OR8B8: variants seen among roughly 807,000 people sequenced by gnomAD.
OR8B8 encodes olfactory receptor 8B8.
In OR8B8, 8 loss-of-function variants were observed where a neutral mutation model predicts 10.5. The ratio of observed to expected loss-of-function variants is 0.76; its 90% confidence interval spans 0.45 to 1.38. OR8B8 has a LOEUF of 1.38. Among genes scored for constraint, OR8B8 ranks in the 40% most tolerant of loss-of-function variants. The pLI is 0.00. For missense variants in OR8B8, 390 were observed against 380.5 expected, an observed-to-expected ratio of 1.03 and a Z score of -0.21; for synonymous variants, 150 against 145.2, an observed-to-expected ratio of 1.03 and a Z score of -0.24.
rs756863079 is a variant in OR8B8 at position 124,440,588 on chromosome 11, C to T, written c.498G>A (p.Val166=). The T allele has an allele frequency of 6.2e-7, 1 of 1,614,212 alleles. No homozygotes were observed. The highest frequency in any genetic ancestry group is 1.7e-5 in the Admixed American group (1 of 60,028). The part of the protein sequence containing the change: ...AMAHTACMMG[V]TFCANNLVNH... ...TGACAAGGTTATTGGCACAGAAGGT[C>T]ACACCCATCATGCACGCTGTGTGGG... Residue 166 remains valine, a synonymous_variant, in exon 3 of 3, where the codon GTG becomes GTA. Coordinates refer to ENST00000642064, the MANE Select transcript of OR8B8 (RefSeq NM_012378.2).
chr11:124,440,827 A>C lies in OR8B8; in HGVS notation c.259T>G (p.Leu87Val), dbSNP rs1398760626. ...GCGTAGGAGATGCTGTTCTTCTTTA[A>C]GACAAAGCTCATCAGCATTTTGGGA... Reference protein sequence around the residue: ...ITPKMLMSFVLKKNSISYAGC... With the variant: ...ITPKMLMSFVVKKNSISYAGC... Residue 87 changes from leucine to valine, a missense_variant, in exon 3 of 3, where the codon TTA becomes GTA. Physicochemically the swap from Leu to Val is conservative, Grantham distance 32. Transcript: ENST00000642064. 25 of 1,614,132 alleles carry C rather than the reference A, an allele frequency of 1.5e-5. No individual in the cohort carries two copies. The highest frequency in any genetic ancestry group is 2.0e-5 in the Non-Finnish European group (24 of 1,180,058).
intron 1 of OR8B8, among the ~76,000 whole-genome samples, chr11:124,443,430 A>T (rs1482089473): frequency 6.6e-6 from 1 of 152,176 alleles, no homozygotes; most frequent in Non-Finnish European, 1.5e-5. Context: ...CTATTGGGCT[A>T]CTGGGTGTTG....
At chr11:124,444,095 TTCTC>T (rs1039803495) in intron 1 of OR8B8, among the ~76,000 whole-genome samples, 1 of 152,326 alleles carries the variant, frequency 6.6e-6, no homozygotes, top group South Asian at 2.1e-4. Flanking sequence ...TTCCCTGTTT[TTCTC>T]TCTCTCTTTT....
Position 124,438,109 on chromosome 11 carries a change from C to T in OR8B8, c.*2041G>A, listed in dbSNP as rs769669679. ...ATTCACTTAATACCTCTGAGAAAAA[C>T]GTTTTTAAAGATGAAGAAATTGATG... On this transcript the variant is annotated 3_prime_UTR_variant, in exon 3 of 3. Transcript: ENST00000642064. The T allele has an allele frequency of 6.6e-6, 1 of 151,972 alleles. No homozygotes were observed. Among genetic ancestry groups the T allele is most frequent in the Non-Finnish European group, 1.5e-5 (1 of 67,966 alleles). The allele number at this position is 151,972 out of a possible 1,614,324, so 9.4% of individuals were successfully genotyped here. A position where few individuals can be genotyped will look rare whatever the true frequency, so the allele number is the denominator to read the frequency against.
Position 124,441,109 on chromosome 11 carries a change from G to T in OR8B8, c.-16-8C>A. Reference sequence around the variant, plus strand: ...ATTGTCATTTAAGGCATTCTGTGGGGACAAGGGAAAAAGTTATTTAGAGAG... The same window carrying T: ...ATTGTCATTTAAGGCATTCTGTGGGTACAAGGGAAAAAGTTATTTAGAGAG... On this transcript the variant is annotated splice_polypyrimidine_tract_variant and splice_region_variant and intron_variant, in intron 2 of 2. Transcript: ENST00000642064. 2.5e-6 allele frequency: 4 copies of T among 1,575,678 alleles called. No individual in the cohort carries two copies. Among genetic ancestry groups the T allele is most frequent in the Non-Finnish European group, 3.5e-6 (4 of 1,158,034 alleles).
intron 1 of OR8B8, among the ~76,000 whole-genome samples, chr11:124,442,060 CT>C (rs34086356): frequency 0.24 from 36,447 of 151,952 alleles, 5,512 homozygotes; most frequent in East Asian, 0.53. Flanking sequence ...ATACCTAATC[CT>C]TTTTTTTCCT....
Position 124,440,093 on chromosome 11 carries a change from G to A in OR8B8, c.*57C>T. ...ATTATATTTCTTCCATGTAACCAGT[G>A]GAGTCCAAATCACTTATGGGAGAAA... On this transcript the variant is annotated 3_prime_UTR_variant, in exon 3 of 3. Transcript: ENST00000642064. The A allele has an allele frequency of 7.4e-7, 1 of 1,347,124 alleles. No individual in the cohort carries two copies. The highest frequency in any genetic ancestry group is 1.0e-6 in the Non-Finnish European group (1 of 966,784). 83.4% of individuals were successfully genotyped at this position (1,347,124 alleles called of 1,614,324 possible).
At position 124,443,805 on chromosome 11, in the gene OR8B8, A is replaced by G. The variant is rs149787784; in HGVS notation, c.-153+1771T>C. On this transcript the variant is annotated intron_variant, in intron 1 of 2. Transcript: ENST00000642064. ...CTGCATCCAGCTATAGCCCAATAAC[A>G]ATGTTTCTTGACTACACTACGTATC... Among the ~76,000 whole-genome samples, 1,056 of 152,218 alleles carry G rather than the reference A, an allele frequency of 6.9e-3. 21 individuals are homozygous for G. Among genetic ancestry groups the G allele is most frequent in the African/African-American group, 0.024 (980 of 41,530 alleles).
intron 2 of OR8B8, 164 bp from the exon 3 acceptor site, chr11:124,441,265 T>G (rs1009443037): frequency 3.4e-6 from 2 of 589,648 alleles, no homozygotes; most frequent in Admixed American, 5.9e-5. Flanking sequence ...CCCGCCTCCA[T>G]GGCCAGGGCA....
At position 124,440,246 on chromosome 11, in the gene OR8B8, A is replaced by G. The variant is rs150378581; in HGVS notation, c.840T>C (p.Thr280=). The G allele has an allele frequency of 8.7e-6, 14 of 1,614,064 alleles. No homozygotes were observed. The African/African-American group carries it at 1.9e-4, about 22-fold the overall frequency. The change falls in exon 3 of 3, where the codon ACT becomes ACC. Residue 280 remains threonine (T), a synonymous_variant. Transcript: ENST00000642064. The part of the protein sequence containing the change: ...QGKVSSLFYT[T]VVPMLNPLIY... ...TTAATGGGTTGAGCATGGGCACCAC[A>G]GTGGTATAGAATAGGGAAGACACCT...
At chr11:124,442,362 AAC>A (rs1327686157) in intron 1 of OR8B8, among the ~76,000 whole-genome samples, 1 of 152,220 alleles carries the variant, frequency 6.6e-6, no homozygotes, top group African/African-American at 2.4e-5. Context: ...AAGACACTAG[AAC>A]ACACATAACT....
At position 124,437,626 on chromosome 11, in the gene OR8B8, TTGTG is replaced by T. The variant is rs66912990; in HGVS notation, c.*2520_*2523del. On this transcript the variant is annotated 3_prime_UTR_variant, in exon 3 of 3. Coordinates refer to ENST00000642064, the MANE Select transcript of OR8B8 (RefSeq NM_012378.2). ...AGGTGGGGGAGGTCTCTCTCAGACTTTGTGTGTGTGTGTGTGTGTGTGTGTGTGT... is the reference window on the plus strand; with the variant it reads ...AGGTGGGGGAGGTCTCTCTCAGACTTTGTGTGTGTGTGTGTGTGTGTGTGT... The T allele has an allele frequency of 0.059, 8,460 of 143,884 alleles. 476 individuals carry two copies. Among genetic ancestry groups the T allele is most frequent in the African/African-American group, 0.15 (5,702 of 37,616 alleles). 8.9% of individuals were successfully genotyped at this position (143,884 alleles called of 1,614,324 possible).
Position 124,440,798 on chromosome 11 carries a change from C to A in OR8B8, c.288G>T (p.Gly96=), listed in dbSNP as rs781091693. 1.4e-5 allele frequency: 23 copies of A among 1,614,058 alleles called. No individual in the cohort carries two copies. The African/African-American group carries it at 1.6e-4, about 11-fold the overall frequency. Residue 96 remains glycine, a synonymous_variant, in exon 3 of 3, where the codon GGG becomes GGT. Coordinates refer to ENST00000642064, the MANE Select transcript of OR8B8 (RefSeq NM_012378.2). ...GAAAGAAGAAGAGCTGAGTCATACA[C>A]CCTGCGTAGGAGATGCTGTTCTTCT... is the stretch of plus-strand genomic sequence containing the variant. ...VLKKNSISYA[G]CMTQLFFFLF...
intron 2 of OR8B8, 119 bp from the exon 3 acceptor site, chr11:124,441,220 G>T: frequency 1.4e-6 from 1 of 702,440 alleles, no homozygotes; most frequent in Non-Finnish European, 2.3e-6. Flanking sequence ...AACTTCAGCA[G>T]AGGGGGCTTT....
chr11:124,444,896 G>A (rs1208209316), intron 1 of OR8B8, among the ~76,000 whole-genome samples: 1 of 152,208 alleles, frequency 6.6e-6, no homozygotes, highest in Non-Finnish European at 1.5e-5. Context: ...TGACAAGAGT[G>A]AGAAGAGCCT....
chr11:124,440,740 A>G lies in OR8B8; in HGVS notation c.346T>C (p.Ser116Pro), dbSNP rs1055289115. ...ACATAGCGGTCATACGCCATTGCTGACAGGATGAAGGACTCAGAGACAACA... is the reference window on the plus strand; with the variant it reads ...ACATAGCGGTCATACGCCATTGCTGGCAGGATGAAGGACTCAGAGACAACA... ...FFVVSESFILSAMAYDRYVAI... is the reference protein window; with the variant it reads ...FFVVSESFILPAMAYDRYVAI... The change falls in exon 3 of 3, where the codon TCA becomes CCA. Residue 116 changes from serine (S) to proline (P), a missense_variant. Coordinates refer to ENST00000642064, the MANE Select transcript of OR8B8 (RefSeq NM_012378.2). The G allele has an allele frequency of 9.9e-6, 16 of 1,614,054 alleles. No homozygotes were observed. Among genetic ancestry groups the G allele is most frequent in the African/African-American group, 1.3e-5 (1 of 74,918 alleles).
rs1262452563 is a variant in OR8B8, at chr11:124,441,547, C to T, written c.-76G>A. 2 of 165,608 alleles carry T rather than the reference C, an allele frequency of 1.2e-5. No homozygotes were observed. The highest frequency in any genetic ancestry group is 2.7e-5 in the Non-Finnish European group (2 of 74,772). The allele number at this position is 165,608 out of a possible 1,614,324, so 10.3% of individuals were successfully genotyped here. A position where few individuals can be genotyped will look rare whatever the true frequency, so the allele number is the denominator to read the frequency against. ...TCATCCGGATTCAGCCTCTCATCCT[C>T]TTCAGCCCAGAGTTTCAGTGATGTG... is the stretch of plus-strand genomic sequence containing the variant. On this transcript the variant is annotated 5_prime_UTR_variant, in exon 2 of 3. Transcript: ENST00000642064.
At position 124,438,871 on chromosome 11, in the gene OR8B8, G is replaced by A. The variant is rs1266671153; in HGVS notation, c.*1279C>T. The A allele has an allele frequency of 6.6e-6, 1 of 152,150 alleles. No homozygotes were observed. The highest frequency in any genetic ancestry group is 1.5e-5 in the Non-Finnish European group (1 of 68,032). 9.4% of individuals were successfully genotyped at this position (152,150 alleles called of 1,614,324 possible). A position where few individuals can be genotyped will look rare whatever the true frequency, so the allele number is the denominator to read the frequency against. On this transcript the variant is annotated 3_prime_UTR_variant, in exon 3 of 3. Coordinates refer to ENST00000642064, the MANE Select transcript of OR8B8 (RefSeq NM_012378.2). ...TGTTGCCCAGCTAGGAGGAAGTCAG[G>A]GAAATAAATAGCATAATATCACACT...
intron 1 of OR8B8, among the ~76,000 whole-genome samples, chr11:124,444,926 A>G (rs1056039608): frequency 6.6e-6 from 1 of 152,180 alleles, no homozygotes; most frequent in Non-Finnish European, 1.5e-5. Context: ...ACACTCTTCA[A>G]ACTTTAAGGC....
Sources: allele counts gnomAD v4.1 joint callset (sites outside exome capture counted in the v4.1 genomes callset), GRCh38; gene constraint gnomAD v4.1.1; transcripts MANE v1.5; gene names NCBI Gene and HGNC (gene_info 2026-07-23, HGNC 2026-07-21).